Variants in GBE1 observed in about 807,000 individuals in gnomAD.
GBE1 encodes 1,4-alpha-glucan-branching enzyme.
In GBE1, 70 loss-of-function variants were observed where a neutral mutation model predicts 88.8. That is an observed-to-expected ratio of 0.79 (90% confidence interval 0.65 to 0.96). GBE1 has a LOEUF of 0.96. GBE1 is among the 40% of genes least tolerant of loss of function. The probability of loss-of-function intolerance (pLI) is 0.00; values close to 1 mark genes in which losing one functional copy is unlikely to be tolerated. For missense variants in GBE1, 872 were observed against 871.0 expected (o/e 1.00, Z -0.01); for synonymous variants, 284 against 300.1 (o/e 0.95, Z 0.56).
intron 14 of GBE1, among the ~76,000 whole-genome samples, chr3:81,526,735 G>A (rs573992314): frequency 1.3e-5 from 2 of 152,190 alleles, no homozygotes; most frequent in South Asian, 4.2e-4. Flanking sequence ...CAAACAAATG[G>A]AAGAACATTC....
intron 7 of GBE1, among the ~76,000 whole-genome samples, chr3:81,635,067 C>A (rs928617767): frequency 1.3e-5 from 2 of 152,256 alleles, no homozygotes; most frequent in Middle Eastern, 3.4e-3. Context: ...GGCTATCATG[C>A]TGTTTTGTTT....
intron 1 of GBE1, among the ~76,000 whole-genome samples, chr3:81,757,248 C>T (rs182028511): frequency 6.8e-4 from 104 of 152,078 alleles, no homozygotes; most frequent in Middle Eastern, 3.4e-3. Context: ...TAGATGGTAC[C>T]GAGAGGGAGG....
intron 1 of GBE1, among the ~76,000 whole-genome samples, chr3:81,759,078 G>A (rs879541627): frequency 5.3e-5 from 8 of 152,158 alleles, no homozygotes; most frequent in East Asian, 3.9e-4. Context: ...CCATGATTGC[G>A]AGGCATCCTC....
At chr3:81,564,032 T>G (rs993568586) in intron 12 of GBE1, among the ~76,000 whole-genome samples, 2 of 152,044 alleles carry the variant, frequency 1.3e-5, no homozygotes, top group Non-Finnish European at 2.9e-5. Context: ...CTGTAGAAAT[T>G]TAATCACCAA....
intron 7 of GBE1, among the ~76,000 whole-genome samples, chr3:81,629,919 A>C (rs1398946101): frequency 8.2e-6 from 1 of 121,248 alleles, no homozygotes; most frequent in South Asian, 2.6e-4. Context: ...TCCTGTGTCC[A>C]TGTGTTCTCA....
At chr3:81,510,811 A>G (rs1023386707) in intron 14 of GBE1, among the ~76,000 whole-genome samples, 5 of 152,098 alleles carry the variant, frequency 3.3e-5, no homozygotes, top group African/African-American at 1.2e-4. Flanking sequence ...CAGTTATAAG[A>G]TGAATAAGTT....
intron 15 of GBE1, among the ~76,000 whole-genome samples, chr3:81,496,853 AG>A (rs902153695): frequency 6.6e-6 from 1 of 152,152 alleles, no homozygotes. Context: ...TGGAGCCTAA[AG>A]GTGTATTTAA....
At chr3:81,659,486 C>T (rs1360486986) in intron 3 of GBE1, among the ~76,000 whole-genome samples, 1 of 150,224 alleles carries the variant, frequency 6.7e-6, no homozygotes, top group African/African-American at 2.5e-5. Context: ...CAGGTGCATG[C>T]CACCACGCCC....
intron 12 of GBE1, among the ~76,000 whole-genome samples, chr3:81,566,317 T>G (rs1559647063): frequency 6.6e-6 from 1 of 152,232 alleles, no homozygotes; most frequent in African/African-American, 2.4e-5. Flanking sequence ...TTTCTAGGTA[T>G]TTGTCATAGA....
At chr3:81,625,537 C>T (rs764129155) in intron 7 of GBE1, among the ~76,000 whole-genome samples, 1 of 152,014 alleles carries the variant, frequency 6.6e-6, no homozygotes, top group Non-Finnish European at 1.5e-5. Context: ...CTCTTGGGCT[C>T]AAGCAATCCT....
At chr3:81,581,535 T>C (rs1310152838) in intron 10 of GBE1, among the ~76,000 whole-genome samples, 1 of 152,010 alleles carries the variant, frequency 6.6e-6, no homozygotes, top group Non-Finnish European at 1.5e-5. Flanking sequence ...TTAATCATTA[T>C]ATTTTAGGAT....
intron 1 of GBE1, among the ~76,000 whole-genome samples, chr3:81,730,581 G>A (rs923464891): frequency 5.9e-5 from 9 of 152,192 alleles, no homozygotes; most frequent in African/African-American, 2.2e-4. Flanking sequence ...TCATGTCACT[G>A]AAGCGTGGAA....
intron 1 of GBE1, among the ~76,000 whole-genome samples, chr3:81,718,622 T>A (rs917664988): frequency 1.3e-5 from 2 of 152,062 alleles, no homozygotes; most frequent in African/African-American, 4.8e-5. Flanking sequence ...CCAATAAGTT[T>A]GTTTTGTTTG....
Position 81,512,171 on chromosome 3 carries a change from C to T in GBE1, c.1935-12944G>A, listed in dbSNP as rs1324153514. Among the ~76,000 whole-genome samples the T allele has an allele frequency of 2.6e-5, 4 of 151,864 alleles. No homozygotes were observed. The East Asian group carries it at 5.8e-4, about 22-fold the overall frequency. On this transcript the variant is annotated intron_variant, in intron 14 of 15. Coordinates refer to ENST00000429644, the MANE Select transcript of GBE1 (RefSeq NM_000158.4). ...GTACACATGAACATAAAGATGGAAACAATAGATACTGGGGATTACTAGAGC... is the reference window on the plus strand; with the variant it reads ...GTACACATGAACATAAAGATGGAAATAATAGATACTGGGGATTACTAGAGC...
At chr3:81,695,505 G>A (rs1705578330) in intron 2 of GBE1, among the ~76,000 whole-genome samples, 1 of 152,278 alleles carries the variant, frequency 6.6e-6, no homozygotes. Flanking sequence ...AGGGGAATTA[G>A]AACTAACTAC....
At chr3:81,524,618 T>C (rs953989448) in intron 14 of GBE1, among the ~76,000 whole-genome samples, 1 of 151,966 alleles carries the variant, frequency 6.6e-6, no homozygotes, top group Non-Finnish European at 1.5e-5. Context: ...GCTTCATTTT[T>C]CCACATAAGG....
intron 1 of GBE1, among the ~76,000 whole-genome samples, chr3:81,724,455 T>A (rs1454813417): frequency 6.6e-6 from 1 of 152,148 alleles, no homozygotes; most frequent in African/African-American, 2.4e-5. Flanking sequence ...TCTAATCAAA[T>A]TCACCCCTGC....
chr3:81,492,709 T>TTTCC (rs142892988), intron 15 of GBE1, among the ~76,000 whole-genome samples: 16 of 146,968 alleles, frequency 1.1e-4, no homozygotes, highest in East Asian at 1.1e-3. Context: ...CCTTTCTTCC[T>TTTCC]TTCCTTCCTT....
chr3:81,694,202 G>A (rs1705559938), intron 2 of GBE1, among the ~76,000 whole-genome samples: 1 of 151,766 alleles, frequency 6.6e-6, no homozygotes, highest in South Asian at 2.1e-4. Context: ...AGGAGTGGGA[G>A]GTAGAGAACG....
Sources: allele counts gnomAD v4.1 joint callset (sites outside exome capture counted in the v4.1 genomes callset), GRCh38; gene constraint gnomAD v4.1.1; transcripts MANE v1.5; gene names NCBI Gene and HGNC (gene_info 2026-07-23, HGNC 2026-07-21).